LAMA3: variants seen among roughly 807,000 people sequenced by gnomAD.
LAMA3 encodes the protein laminin subunit alpha-3.
A neutral mutation model predicts 402.0 loss-of-function variants in LAMA3; 281 were observed. The ratio of observed to expected loss-of-function variants is 0.70; its 90% CI spans 0.63 to 0.77. The LOEUF (loss-of-function observed/expected upper bound fraction) is 0.77. LAMA3 is among the 30% of genes least tolerant of loss of function. The probability of loss-of-function intolerance (pLI) is 0.00; values close to 1 mark genes in which losing one functional copy is unlikely to be tolerated. For missense variants in LAMA3, 3,840 were observed against 4,215.5 expected (o/e 0.91, Z 2.47); for synonymous variants, 1,431 against 1,558.4 (o/e 0.92, Z 1.93).
intron 2 of LAMA3, among the ~76,000 whole-genome samples, chr18:23,719,218 G>A (rs185458223): frequency 0.011 from 1,606 of 152,246 alleles, 16 homozygotes; most frequent in Middle Eastern, 0.027. Context: ...AGTCCAGATG[G>A]ACATAGTGGT....
intron 51 of LAMA3, 90 bp downstream of exon 51, chr18:23,904,784 C>T: frequency 2.9e-6 from 4 of 1,357,226 alleles, no homozygotes; most frequent in Middle Eastern, 1.9e-4. Flanking sequence ...GGAATAGAAA[C>T]AAAGCATTAT....
At chr18:23,841,305 G>A (rs149156998) in intron 27 of LAMA3, among the ~76,000 whole-genome samples, 13 of 152,184 alleles carry the variant, frequency 8.5e-5, no homozygotes, top group Admixed American at 7.2e-4. Context: ...GAAGATTTTT[G>A]TGAGTTAAAA....
chr18:23,820,129 G>T (rs2063256535), intron 19 of LAMA3, 132 bp downstream of exon 19: 3 of 924,030 alleles, frequency 3.2e-6, no homozygotes, highest in Non-Finnish European at 5.2e-6. Context: ...TATATTATGG[G>T]TTGGCATTGG....
chr18:23,814,875 T>G (rs1568212684), intron 15 of LAMA3, among the ~76,000 whole-genome samples: 1 of 152,234 alleles, frequency 6.6e-6, no homozygotes, highest in East Asian at 1.9e-4. Flanking sequence ...GAATAGAGTG[T>G]ATTTTCATGC....
chr18:23,802,016 A>C (rs1177102273), intron 12 of LAMA3, among the ~76,000 whole-genome samples: 1 of 152,212 alleles, frequency 6.6e-6, no homozygotes, highest in African/African-American at 2.4e-5. Context: ...ACAAATACTA[A>C]TTTCTGTAAC....
intron 21 of LAMA3, 149 bp from the exon 22 acceptor site, chr18:23,826,553 G>A (rs546207460): frequency 4.4e-6 from 3 of 684,428 alleles, no homozygotes; most frequent in East Asian, 2.7e-5. Context: ...TCGGTGAGTC[G>A]GGATGAAGAA....
chr18:23,884,482 C>G (rs1357557022), intron 40 of LAMA3, among the ~76,000 whole-genome samples: 1 of 152,140 alleles, frequency 6.6e-6, no homozygotes, highest in Non-Finnish European at 1.5e-5. Flanking sequence ...TTGTAATCAT[C>G]TCTTCCAAAG....
At chr18:23,736,609 A>T (rs1042324190) in intron 2 of LAMA3, among the ~76,000 whole-genome samples, 3 of 152,110 alleles carry the variant, frequency 2.0e-5, no homozygotes, top group Non-Finnish European at 4.4e-5. Flanking sequence ...AAACTCAACT[A>T]GTCCCATGTA....
At chr18:23,710,151 G>A (rs925693456) in intron 1 of LAMA3, 15 of 690,428 alleles carry the variant, frequency 2.2e-5, no homozygotes, top group Non-Finnish European at 3.5e-5. Context: ...GTGGGCCGCC[G>A]GAAGGTGGGT....
At chr18:23,913,582 G>C (rs2081509047) in intron 56 of LAMA3, among the ~76,000 whole-genome samples, 1 of 152,316 alleles carries the variant, frequency 6.6e-6, no homozygotes, top group South Asian at 2.1e-4. Context: ...GTTGTTGGAA[G>C]AAAAATGCTT....
chr18:23,820,506 A>G (rs1382703339), intron 19 of LAMA3, among the ~76,000 whole-genome samples: 1 of 152,014 alleles, frequency 6.6e-6, no homozygotes, highest in African/African-American at 2.4e-5. Context: ...GTTAAGTGCT[A>G]TTTCATTTTT....
At chr18:23,836,228 A>G (rs900075921) in intron 24 of LAMA3, among the ~76,000 whole-genome samples, 1 of 152,160 alleles carries the variant, frequency 6.6e-6, no homozygotes, top group Non-Finnish European at 1.5e-5. Context: ...TATATAACTT[A>G]TCTCATTTTA....
intron 7 of LAMA3, among the ~76,000 whole-genome samples, chr18:23,758,976 AG>A (rs927590554): frequency 6.6e-6 from 1 of 152,094 alleles, no homozygotes; most frequent in African/African-American, 2.4e-5. Context: ...GAGGATGGAG[AG>A]GACCAGAGAA....
At chr18:23,830,223 A>G (rs1357074617) in intron 23 of LAMA3, among the ~76,000 whole-genome samples, 2 of 152,168 alleles carry the variant, frequency 1.3e-5, no homozygotes, top group Non-Finnish European at 2.9e-5. Flanking sequence ...TTGGAGCAGG[A>G]GTATAGTGAA....
At chr18:23,691,731 G>A (rs966254406) in intron 1 of LAMA3, among the ~76,000 whole-genome samples, 4 of 152,148 alleles carry the variant, frequency 2.6e-5, no homozygotes, top group African/African-American at 9.7e-5. Flanking sequence ...GCCACCATGC[G>A]TGGCTAATTT....
chr18:23,953,152 G>T, intron 74 of LAMA3, 43 bp downstream of exon 74: 1 of 1,610,824 alleles, frequency 6.2e-7, no homozygotes, highest in Non-Finnish European at 8.5e-7. Flanking sequence ...CCCTGTGTCA[G>T]CTCTGAACAT....
rs779758375 is a variant in LAMA3, at chr18:23,932,175, C to T, written c.8592C>T (p.Ile2864=). ...TCCCTTTCAGACTACGGCTTCTCAT[C>T]GATGACCAGCTTCTGAGAAATAGCA... ...ISDNSGLRLL[I]DDQLLRNSKR... Residue 2864 remains isoleucine, a synonymous_variant, in exon 66 of 75, where the codon ATC becomes ATT. Transcript: ENST00000313654. 16 of 1,613,876 alleles carry T rather than the reference C, an allele frequency of 9.9e-6. No homozygotes were observed. The highest frequency in any genetic ancestry group is 1.6e-4 in the Middle Eastern group (1 of 6,066).
chr18:23,853,706 C>T (rs2063998275), intron 32 of LAMA3, among the ~76,000 whole-genome samples: 1 of 152,198 alleles, frequency 6.6e-6, no homozygotes, highest in Admixed American at 6.5e-5. Flanking sequence ...GAGATAAATT[C>T]TCTTGACCTG....
rs746690918 is a variant in LAMA3 at position 23,847,436 on chromosome 18, A to C, written c.3932-28A>C. 3.1e-6 allele frequency: 5 copies of C among 1,605,138 alleles called. No homozygotes were observed. The African/African-American group carries it at 5.3e-5, about 17-fold the overall frequency. ...GGAGCCCAGGCGGCCTTTGACCCTC[A>C]CATGGTATTTCTTTATCCCCTGGCC... On this transcript the variant is annotated intron_variant, in intron 31 of 74. Coordinates refer to ENST00000313654, the MANE Select transcript of LAMA3 (RefSeq NM_198129.4).
Sources: gnomAD v4.1 joint callset for allele counts (sites outside exome capture counted in the v4.1 genomes callset) on GRCh38, gnomAD v4.1.1 for gene constraint, MANE v1.5 for transcripts, NCBI Gene and HGNC (gene_info 2026-07-23, HGNC 2026-07-21) for gene names.